Variants in ASH1L observed in about 807,000 individuals in gnomAD.
ASH1L encodes ASH1 like histone lysine methyltransferase.
In ASH1L, 23 loss-of-function variants were observed where a neutral mutation model predicts 269.0. That is an observed-to-expected ratio of 0.09 (90% CI 0.06 to 0.12). The LOEUF is 0.12. Ranked by LOEUF, ASH1L falls within the 10% of genes least tolerant of loss-of-function variation. The probability of loss-of-function intolerance (pLI) is 1.00; values close to 1 mark genes in which losing one functional copy is unlikely to be tolerated. For synonymous variants in ASH1L, 1,187 were observed against 1,253.5 expected (o/e 0.95, Z 1.12); for missense variants, 2,912 against 3,567.8 (o/e 0.82, Z 4.68).
intron 2 of ASH1L, among the ~76,000 whole-genome samples, chr1:155,519,932 T>C (rs1348255147): frequency 6.6e-6 from 1 of 152,150 alleles, no homozygotes; most frequent in Non-Finnish European, 1.5e-5. Context: ...GTGCTGGGAT[T>C]ACAGGCGTGA....
rs147596365 is a variant in ASH1L at position 155,420,885 on chromosome 1, T to C, written c.5829-4962A>G. ...AAAATCAAAGATAACCTAAAATAAA[T>C]GCAGTAACATACCATGTCCATGGAT... On this transcript the variant is annotated intron_variant, in intron 5 of 27. Coordinates refer to ENST00000392403, the MANE Select transcript of ASH1L (RefSeq NM_018489.3). Among the ~76,000 whole-genome samples, 363 of 146,966 alleles carry C rather than the reference T, an allele frequency of 2.5e-3. 2 individuals carry two copies. Among genetic ancestry groups the C allele is most frequent in the Admixed American group, 9.8e-3 (142 of 14,530 alleles).
chr1:155,501,848 A>G (rs1273588439), intron 2 of ASH1L, among the ~76,000 whole-genome samples: 1 of 151,822 alleles, frequency 6.6e-6, no homozygotes, highest in Admixed American at 6.6e-5. Context: ...TTTTTAGTAG[A>G]AACGGGGTTT....
At chr1:155,367,558 A>C (rs1215465044) in intron 12 of ASH1L, among the ~76,000 whole-genome samples, 1 of 152,024 alleles carries the variant, frequency 6.6e-6, no homozygotes, top group Non-Finnish European at 1.5e-5. Context: ...GGATATCCTT[A>C]TTTATGTATA....
At chr1:155,369,002 A>G (rs996588837) in intron 12 of ASH1L, among the ~76,000 whole-genome samples, 2 of 152,232 alleles carry the variant, frequency 1.3e-5, no homozygotes, top group Non-Finnish European at 2.9e-5. Flanking sequence ...GTGGCAATGG[A>G]AATCAGATCA....
intron 1 of ASH1L, among the ~76,000 whole-genome samples, chr1:155,549,134 G>C (rs1183557406): frequency 2.6e-5 from 4 of 152,120 alleles, no homozygotes; most frequent in Admixed American, 2.0e-4. Flanking sequence ...ATACAAACAG[G>C]GAGGTCGAGA....
chr1:155,384,001 TTGGA>T (rs1657202267), intron 7 of ASH1L, among the ~76,000 whole-genome samples: 1 of 152,152 alleles, frequency 6.6e-6, no homozygotes, highest in South Asian at 2.1e-4. Flanking sequence ...AAAGAGTAAA[TTGGA>T]TGGTCTGTGA....
chr1:155,546,627 A>G (rs1670842780), intron 1 of ASH1L, among the ~76,000 whole-genome samples: 1 of 151,708 alleles, frequency 6.6e-6, no homozygotes, highest in Non-Finnish European at 1.5e-5. Flanking sequence ...GCATGCTGGC[A>G]CATGCCTGTA....
intron 25 of ASH1L, among the ~76,000 whole-genome samples, chr1:155,339,641 C>T (rs145670466): frequency 2.0e-5 from 3 of 152,164 alleles, no homozygotes; most frequent in African/African-American, 4.8e-5. Flanking sequence ...TGGGGTCATA[C>T]GGGGATATGT....
chr1:155,516,478 G>C (rs1668510625), intron 2 of ASH1L, among the ~76,000 whole-genome samples: 1 of 152,128 alleles, frequency 6.6e-6, no homozygotes, highest in Non-Finnish European at 1.5e-5. Context: ...CAGCAAAGTT[G>C]CAGGATACAA....
intron 1 of ASH1L, among the ~76,000 whole-genome samples, chr1:155,533,717 CA>C (rs569067721): frequency 0.078 from 6,187 of 79,662 alleles, 382 homozygotes; most frequent in African/African-American, 0.23. Flanking sequence ...GACTCCGTCT[CA>C]AAAAAAAAAA....
At chr1:155,451,118 A>T (rs1182615836) in intron 4 of ASH1L, among the ~76,000 whole-genome samples, 2 of 151,300 alleles carry the variant, frequency 1.3e-5, no homozygotes, top group African/African-American at 4.9e-5. Flanking sequence ...AATCACATGA[A>T]CCCAGGAGGT....
chr1:155,548,381 G>A (rs947363524), intron 1 of ASH1L, among the ~76,000 whole-genome samples: 1 of 152,088 alleles, frequency 6.6e-6, no homozygotes, highest in African/African-American at 2.4e-5. Context: ...AATTAGCCGG[G>A]CGTGTTTGGC....
At chr1:155,383,485 C>A (rs1479148210) in intron 7 of ASH1L, among the ~76,000 whole-genome samples, 3 of 152,206 alleles carry the variant, frequency 2.0e-5, no homozygotes, top group Non-Finnish European at 2.9e-5. Flanking sequence ...TGTGTCACAA[C>A]TGACTACTGT....
At chr1:155,537,235 A>G (rs938380828) in intron 1 of ASH1L, among the ~76,000 whole-genome samples, 2 of 152,318 alleles carry the variant, frequency 1.3e-5, no homozygotes, top group East Asian at 1.9e-4. Flanking sequence ...TACAATGATT[A>G]TATCTGAAAA....
At chr1:155,511,480 G>A (rs1262258649) in intron 2 of ASH1L, among the ~76,000 whole-genome samples, 1 of 152,196 alleles carries the variant, frequency 6.6e-6, no homozygotes, top group African/African-American at 2.4e-5. Flanking sequence ...ATTAAGAGTA[G>A]GACACAAACA....
chr1:155,462,965 G>C (rs1174470479), intron 3 of ASH1L, among the ~76,000 whole-genome samples: 4 of 152,182 alleles, frequency 2.6e-5, no homozygotes, highest in Non-Finnish European at 4.4e-5. Context: ...AAGCAACCAA[G>C]TTTAAGACTG....
intron 6 of ASH1L, among the ~76,000 whole-genome samples, chr1:155,402,903 G>T (rs574078740): frequency 6.7e-6 from 1 of 149,084 alleles, no homozygotes; most frequent in Non-Finnish European, 1.5e-5. Flanking sequence ...GACATTGAAG[G>T]CCGGGTATGG....
chr1:155,409,550 CA>C (rs1324647819), intron 6 of ASH1L, among the ~76,000 whole-genome samples: 6 of 152,242 alleles, frequency 3.9e-5, no homozygotes, highest in African/African-American at 1.4e-4. Context: ...AATGCTGGGA[CA>C]ATAAGTGGGA....
At chr1:155,442,492 A>T (rs1172322496) in intron 4 of ASH1L, among the ~76,000 whole-genome samples, 1 of 149,834 alleles carries the variant, frequency 6.7e-6, no homozygotes, top group African/African-American at 2.4e-5. Context: ...CTGAGGCAGG[A>T]GAATTGCTTG....
Sources: allele counts gnomAD v4.1 joint callset (sites outside exome capture counted in the v4.1 genomes callset), GRCh38; gene constraint gnomAD v4.1.1; transcripts MANE v1.5; gene names NCBI Gene and HGNC (gene_info 2026-07-23, HGNC 2026-07-21).